The following HERPUD2 variants were observed in gnomAD, a reference collection of about 807,000 sequenced individuals.
The protein encoded by HERPUD2 is HERPUD family member 2, also known as homocysteine-responsive endoplasmic reticulum-resident ubiquitin-like domain member 2 protein.
In HERPUD2, 13 loss-of-function variants were observed where a neutral mutation model predicts 49.9. The observed-to-expected ratio is 0.26, with a 90% CI of 0.17 to 0.41. The LOEUF (loss-of-function observed/expected upper bound fraction) is 0.41, where lower values mean the gene tolerates loss of function less well. Among genes scored for constraint, HERPUD2 ranks in the 10% least tolerant of loss-of-function variants. The pLI is 1.00. For synonymous variants in HERPUD2, 172 were observed against 171.4 expected, an observed-to-expected ratio of 1.00 and a Z score of -0.03; for missense variants, 449 against 492.2, an observed-to-expected ratio of 0.91 and a Z score of 0.83.
chr7:35,685,639 G>A (rs1258583665), intron 2 of HERPUD2, among the ~76,000 whole-genome samples: 1 of 151,414 alleles, frequency 6.6e-6, no homozygotes. Flanking sequence ...AATTTTTTAT[G>A]CCATTAAAAA....
intron 2 of HERPUD2, among the ~76,000 whole-genome samples, chr7:35,682,472 A>G (rs1332105566): frequency 6.6e-6 from 1 of 150,770 alleles, no homozygotes; most frequent in Non-Finnish European, 1.5e-5. Context: ...TGAATGGGGA[A>G]AAGTTGAAAA....
intron 5 of HERPUD2, among the ~76,000 whole-genome samples, chr7:35,661,191 A>C (rs1785412147): frequency 6.6e-6 from 1 of 151,028 alleles, no homozygotes; most frequent in South Asian, 2.1e-4. Context: ...ATGGCTGTAG[A>C]TGTGTGGTAT....
At chr7:35,661,898 C>T (rs1785432013) in intron 5 of HERPUD2, among the ~76,000 whole-genome samples, 1 of 152,196 alleles carries the variant, frequency 6.6e-6, no homozygotes, top group South Asian at 2.1e-4. Context: ...CTGGCCAGAA[C>T]TTCCAACACT....
intron 5 of HERPUD2, among the ~76,000 whole-genome samples, chr7:35,656,212 T>C (rs1785271965): frequency 6.6e-6 from 1 of 150,482 alleles, no homozygotes; most frequent in South Asian, 2.1e-4. Context: ...AAGAAGACAA[T>C]CCCCCTTACA....
At chr7:35,691,830 C>CT (rs931081872) in intron 2 of HERPUD2, among the ~76,000 whole-genome samples, 22 of 152,256 alleles carry the variant, frequency 1.4e-4, no homozygotes, top group Middle Eastern at 3.4e-3. Context: ...TATGGCTTTG[C>CT]GATACCATTA....
intron 6 of HERPUD2, among the ~76,000 whole-genome samples, chr7:35,637,138 A>AAAAG (rs376749984): frequency 0.32 from 42,952 of 134,758 alleles, 7,919 homozygotes; most frequent in Middle Eastern, 0.41. Context: ...GTCTCAAAAA[A>AAAAG]AAAGAAAGAA....
intron 5 of HERPUD2, among the ~76,000 whole-genome samples, chr7:35,648,870 A>C (rs898564960): frequency 1.3e-5 from 2 of 152,262 alleles, no homozygotes; most frequent in African/African-American, 4.8e-5. Context: ...GTTAGCATGC[A>C]GCAAAACTAA....
At chr7:35,652,973 A>G (rs763459773) in intron 5 of HERPUD2, among the ~76,000 whole-genome samples, 34 of 152,172 alleles carry the variant, frequency 2.2e-4, no homozygotes, top group Non-Finnish European at 4.1e-4. Flanking sequence ...TCACCACTAC[A>G]GAAAACCACC....
intron 2 of HERPUD2, among the ~76,000 whole-genome samples, chr7:35,679,226 A>C (rs1484015336): frequency 6.6e-6 from 1 of 152,148 alleles, no homozygotes; most frequent in Non-Finnish European, 1.5e-5. Context: ...AAAACTCAGA[A>C]GATTTTGAGA....
intron 5 of HERPUD2, among the ~76,000 whole-genome samples, chr7:35,665,883 G>A (rs1443354747): frequency 1.3e-5 from 2 of 152,186 alleles, no homozygotes; most frequent in Admixed American, 6.5e-5. Context: ...CTGAAGACCT[G>A]TAATCTTATA....
Position 35,632,996 on chromosome 7 carries a change from C to G in HERPUD2, c.*694G>C, listed in dbSNP as rs1170395026. On this transcript the variant is annotated 3_prime_UTR_variant, in exon 9 of 9. Transcript: ENST00000311350. The stretch of plus-strand genomic sequence containing the variant: ...AACTTTCAAGATAATTCACGGAAAA[C>G]AGATATATCTATTCAAATTAAACAT... 1 of 151,602 alleles carries G rather than the reference C, an allele frequency of 6.6e-6. No homozygotes were observed. The highest frequency in any genetic ancestry group is 1.5e-5 in the Non-Finnish European group (1 of 67,960). The allele number at this position is 151,602 out of a possible 1,614,324, so 9.4% of individuals were successfully genotyped here. A position where few individuals can be genotyped will look rare whatever the true frequency, so the allele number is the denominator to read the frequency against.
chr7:35,642,681 T>C (rs1347804121), intron 5 of HERPUD2, among the ~76,000 whole-genome samples: 1 of 152,174 alleles, frequency 6.6e-6, no homozygotes, highest in African/African-American at 2.4e-5. Context: ...TGGAGGTCAT[T>C]ATCCTTAGGA....
At chr7:35,691,324 A>G (rs975937144) in intron 2 of HERPUD2, among the ~76,000 whole-genome samples, 3 of 152,216 alleles carry the variant, frequency 2.0e-5, no homozygotes, top group African/African-American at 4.8e-5. Flanking sequence ...CATAGAGTTC[A>G]GCCAGAATTC....
rs1447570831 is a variant in HERPUD2 at position 35,694,091 on chromosome 7, T to C, written c.147+93A>G. 7 of 1,369,234 alleles carry C rather than the reference T, an allele frequency of 5.1e-6. No homozygotes were observed. In the Admixed American group the frequency reaches 5.3e-5, roughly 10 times the overall value. 84.8% of individuals were successfully genotyped at this position (1,369,234 alleles called of 1,614,324 possible). A position where few individuals can be genotyped will look rare whatever the true frequency, so the allele number is the denominator to read the frequency against. On this transcript the variant is annotated intron_variant, in intron 2 of 8. Transcript: ENST00000311350. ...GGTCTACCAAAAGAGACCTATTTGA[T>C]TCAAGACTGGAGGGGAGAAGCAGGA...
chr7:35,635,106 A>G, intron 7 of HERPUD2, 29 bp downstream of exon 7: 3 of 1,562,776 alleles, frequency 1.9e-6, no homozygotes, highest in Middle Eastern at 1.7e-4. Context: ...CAGAAATTAA[A>G]CCACAAAAAG....
At chr7:35,672,158 T>C (rs1223537919) in intron 3 of HERPUD2, among the ~76,000 whole-genome samples, 7 of 151,936 alleles carry the variant, frequency 4.6e-5, no homozygotes, top group Non-Finnish European at 8.8e-5. Flanking sequence ...TGGTGTGGGA[T>C]GCTGATAGTG....
intron 5 of HERPUD2, among the ~76,000 whole-genome samples, chr7:35,650,137 C>T (rs1373935553): frequency 6.6e-6 from 1 of 152,080 alleles, no homozygotes; most frequent in East Asian, 1.9e-4. Context: ...TCACCTCCTC[C>T]ACAAAAAAAG....
At chr7:35,650,518 C>T (rs545112861) in intron 5 of HERPUD2, among the ~76,000 whole-genome samples, 1 of 152,230 alleles carries the variant, frequency 6.6e-6, no homozygotes, top group South Asian at 2.1e-4. Flanking sequence ...TTTCAGAGTC[C>T]AACCCCCAGC....
At chr7:35,673,582 T>C (rs1244274584) in intron 2 of HERPUD2, among the ~76,000 whole-genome samples, 1 of 152,126 alleles carries the variant, frequency 6.6e-6, no homozygotes, top group Non-Finnish European at 1.5e-5. Context: ...TGTAATGCAA[T>C]GCATATATGA....
Sources: allele counts gnomAD v4.1 joint callset (sites outside exome capture counted in the v4.1 genomes callset), GRCh38; gene constraint gnomAD v4.1.1; transcripts MANE v1.5; gene names NCBI Gene and HGNC (gene_info 2026-07-23, HGNC 2026-07-21).